CSMD1: variants seen among roughly 807,000 people sequenced by gnomAD.
CSMD1 encodes the protein CUB and Sushi multiple domains 1.
In CSMD1, 213 loss-of-function variants were observed where a neutral mutation model predicts 417.5. That is an observed-to-expected ratio of 0.51 (90% confidence interval 0.46 to 0.57). The LOEUF (loss-of-function observed/expected upper bound fraction) is 0.57, where lower values mean the gene tolerates loss of function less well. CSMD1 is among the 20% of genes least tolerant of loss of function. The pLI, the probability that CSMD1 is intolerant of heterozygous loss-of-function variation, is 0.00. For missense variants in CSMD1, 6,923 were observed against 4,529.7 expected (o/e 1.53, Z -15.17); for synonymous variants, 2,862 against 1,736.8 (o/e 1.65, Z -16.11).
chr8:4,767,870 G>A (rs980293261), intron 1 of CSMD1, among the ~76,000 whole-genome samples: 1 of 152,172 alleles, frequency 6.6e-6, no homozygotes, highest in Non-Finnish European at 1.5e-5. Context: ...GATGCTACTA[G>A]CTAGTTTACA....
chr8:3,514,661 A>G (rs1416112967), intron 10 of CSMD1, among the ~76,000 whole-genome samples: 1 of 152,006 alleles, frequency 6.6e-6, no homozygotes, highest in African/African-American at 2.4e-5. Context: ...TACATTTCAA[A>G]TTTTTTTTAT....
At chr8:4,334,081 A>G (rs1389119107) in intron 3 of CSMD1, among the ~76,000 whole-genome samples, 2 of 152,136 alleles carry the variant, frequency 1.3e-5, no homozygotes, top group African/African-American at 4.8e-5. Flanking sequence ...GATGATGATG[A>G]TGATGATTAC....
intron 1 of CSMD1, among the ~76,000 whole-genome samples, chr8:4,753,415 ACACACACACAC>A (rs1563296663): frequency 2.0e-5 from 1 of 50,096 alleles, no homozygotes; most frequent in Non-Finnish European, 4.9e-5. Context: ...ACACACACAC[ACACACACACAC>A]ACACACACAC....
chr8:4,284,657 T>G (rs113116401), intron 3 of CSMD1, among the ~76,000 whole-genome samples: 2,955 of 152,212 alleles, frequency 0.019, 52 homozygotes, highest in Non-Finnish European at 0.032. Context: ...TCAGGACTCC[T>G]GGAGGATCCC....
intron 5 of CSMD1, among the ~76,000 whole-genome samples, chr8:3,910,803 G>C (rs1808409060): frequency 6.6e-6 from 1 of 152,096 alleles, no homozygotes; most frequent in African/African-American, 2.4e-5. Flanking sequence ...AATATAACTT[G>C]TTATTGGAGA....
intron 10 of CSMD1, among the ~76,000 whole-genome samples, chr8:3,564,704 T>G (rs1205873144): frequency 6.6e-6 from 1 of 151,834 alleles, no homozygotes; most frequent in Non-Finnish European, 1.5e-5. Context: ...AAGTGGAGAA[T>G]GTACGTGCCC....
intron 1 of CSMD1, among the ~76,000 whole-genome samples, chr8:4,873,276 A>G (rs1243779680): frequency 6.6e-6 from 1 of 152,110 alleles, no homozygotes; most frequent in Non-Finnish European, 1.5e-5. Flanking sequence ...TCTCTTAAAA[A>G]CTATCTAAAA....
intron 6 of CSMD1, among the ~76,000 whole-genome samples, chr8:3,719,279 A>G (rs904885972): frequency 3.9e-5 from 6 of 152,082 alleles, no homozygotes; most frequent in Non-Finnish European, 8.8e-5. Flanking sequence ...CAGTTTCAGC[A>G]AAAAGGCCAC....
rs1333853477 is a variant in CSMD1, at chr8:3,095,557, CATTA to C, written c.7138+1288_7138+1291del. 6.6e-5 allele frequency among the ~76,000 whole-genome samples: 10 copies of C among 152,122 alleles called. No individual in the cohort carries two copies. In the East Asian group the frequency reaches 7.7e-4, roughly 12 times the overall value. On this transcript the variant is annotated intron_variant, in intron 47 of 69. Coordinates refer to ENST00000635120, the MANE Select transcript of CSMD1 (RefSeq NM_033225.6). ...ATTTATTAATTCATTTTTGAAAATA[CATTA>C]ATTGATTCAGTGATGTCTATCCATA...
intron 3 of CSMD1, among the ~76,000 whole-genome samples, chr8:4,181,875 A>G (rs561175021): frequency 3.3e-4 from 50 of 152,322 alleles, no homozygotes; most frequent in African/African-American, 1.1e-3. Flanking sequence ...CTAGTTGATT[A>G]TAACATGATT....
Position 4,521,559 on chromosome 8 carries a change from T to C in CSMD1, c.303-101494A>G, listed in dbSNP as rs150276822. The stretch of plus-strand genomic sequence containing the variant: ...ACTATAGCAGTGATACATGATATGA[T>C]AGAGTAATGCTTTTTATTTCATTGA... On this transcript the variant is annotated intron_variant, in intron 2 of 69. Coordinates refer to ENST00000635120, the MANE Select transcript of CSMD1 (RefSeq NM_033225.6). Among the ~76,000 whole-genome samples the C allele has an allele frequency of 7.5e-4, 114 of 152,346 alleles. No homozygotes were observed. In the East Asian group the frequency reaches 0.019, roughly 25 times the overall value.
At chr8:4,216,622 T>G (rs896324756) in intron 3 of CSMD1, among the ~76,000 whole-genome samples, 3 of 152,296 alleles carry the variant, frequency 2.0e-5, no homozygotes, top group East Asian at 3.9e-4. Context: ...GAAGTGTGAA[T>G]GCTGGGCCTC....
intron 3 of CSMD1, among the ~76,000 whole-genome samples, chr8:4,170,109 T>C (rs1162597161): frequency 1.3e-5 from 2 of 151,842 alleles, no homozygotes; most frequent in East Asian, 1.9e-4. Context: ...ATCCCTAACC[T>C]GTTTTCTCCC....
chr8:4,474,238 C>T (rs182788848), intron 2 of CSMD1, among the ~76,000 whole-genome samples: 13 of 151,816 alleles, frequency 8.6e-5, no homozygotes, highest in East Asian at 3.9e-4. Context: ...AGGTATAACA[C>T]GAGACATAAA....
intron 26 of CSMD1, among the ~76,000 whole-genome samples, chr8:3,252,120 G>A (rs11777157): frequency 6.6e-6 from 1 of 152,094 alleles, no homozygotes; most frequent in Admixed American, 6.5e-5. Flanking sequence ...TGGTGAGAGA[G>A]CGCATCCCTG....
At chr8:3,796,734 T>C (rs1045366159) in intron 5 of CSMD1, among the ~76,000 whole-genome samples, 1 of 151,032 alleles carries the variant, frequency 6.6e-6, no homozygotes, top group Admixed American at 6.6e-5. Flanking sequence ...TATGTCACCT[T>C]GTTATAGGTG....
chr8:4,424,177 G>C (rs1449871330), intron 2 of CSMD1, among the ~76,000 whole-genome samples: 1 of 151,942 alleles, frequency 6.6e-6, no homozygotes, highest in Non-Finnish European at 1.5e-5. Context: ...ACCAGAAAAA[G>C]ATAAGTTAAT....
chr8:4,094,225 C>G (rs1800879486), intron 3 of CSMD1, among the ~76,000 whole-genome samples: 1 of 151,986 alleles, frequency 6.6e-6, no homozygotes, highest in South Asian at 2.1e-4. Flanking sequence ...ACTAGCTGCC[C>G]TCGTAACCTG....
At chr8:4,866,838 A>T (rs1434576074) in intron 1 of CSMD1, among the ~76,000 whole-genome samples, 1 of 152,054 alleles carries the variant, frequency 6.6e-6, no homozygotes, top group Non-Finnish European at 1.5e-5. Context: ...ATGATTTTTA[A>T]AAATTATAAC....
Sources: gnomAD v4.1 joint callset for allele counts (sites outside exome capture counted in the v4.1 genomes callset) on GRCh38, gnomAD v4.1.1 for gene constraint, MANE v1.5 for transcripts, NCBI Gene and HGNC (gene_info 2026-07-23, HGNC 2026-07-21) for gene names.